The following PCNT variants were observed in gnomAD, a reference collection of about 807,000 sequenced individuals.
The protein encoded by PCNT is pericentrin.
PCNT carries 319 observed loss-of-function variants against 380.4 expected under a neutral mutation model. That is an observed-to-expected ratio of 0.84 (90% CI 0.77 to 0.92). PCNT has a LOEUF of 0.92. PCNT is among the 40% of genes least tolerant of loss of function. PCNT has a pLI of 0.00. For synonymous variants in PCNT, 1,845 were observed against 1,735.2 expected (o/e 1.06, Z -1.57); for missense variants, 4,400 against 4,255.3 (o/e 1.03, Z -0.95).
chr21:46,345,349 C>T (rs1377265287), intron 3 of PCNT, among the ~76,000 whole-genome samples: 1 of 152,140 alleles, frequency 6.6e-6, no homozygotes, highest in Non-Finnish European at 1.5e-5. Flanking sequence ...TCCCAAGTAG[C>T]TGGGACTACA....
At chr21:46,436,536 G>A (rs940308053) in intron 39 of PCNT, among the ~76,000 whole-genome samples, 10 of 138,602 alleles carry the variant, frequency 7.2e-5, no homozygotes, top group African/African-American at 2.6e-4. Flanking sequence ...CCAGGATGAC[G>A]ATCGTGATAT....
At chr21:46,424,522 A>G (rs2087405678) in intron 32 of PCNT, among the ~76,000 whole-genome samples, 1 of 152,228 alleles carries the variant, frequency 6.6e-6, no homozygotes, top group East Asian at 1.9e-4. Flanking sequence ...CCTGGCGGGA[A>G]GCTGTGGCCC....
At chr21:46,359,493 T>G (rs1251933249) in intron 13 of PCNT, among the ~76,000 whole-genome samples, 1 of 95,054 alleles carries the variant, frequency 1.1e-5, no homozygotes, top group Admixed American at 1.0e-4. Flanking sequence ...TTTTTTTTGT[T>G]TTTTTTTTTT....
chr21:46,444,611 A>G, intron 45 of PCNT, 83 bp from the exon 46 acceptor site: 1 of 1,507,666 alleles, frequency 6.6e-7, no homozygotes, highest in Non-Finnish European at 9.1e-7. Flanking sequence ...TTTCTTCTGC[A>G]CTCAGTCACC....
chr21:46,337,873 C>T (rs1328777622), intron 3 of PCNT, among the ~76,000 whole-genome samples: 5 of 151,862 alleles, frequency 3.3e-5, no homozygotes, highest in Admixed American at 6.6e-5. Flanking sequence ...CATGAGCCAC[C>T]GCGCAGACTG....
At chr21:46,430,478 T>G in intron 36 of PCNT, 29 bp from the exon 37 acceptor site, 1 of 1,549,270 alleles carries the variant, frequency 6.5e-7, no homozygotes, top group Non-Finnish European at 8.7e-7. Context: ...GCCCACGTGG[T>G]CAGATTGTTC....
intron 3 of PCNT, among the ~76,000 whole-genome samples, chr21:46,340,602 T>A (rs73373860): frequency 0.12 from 18,636 of 152,242 alleles, 3,130 homozygotes; most frequent in African/African-American, 0.38. Context: ...TTATTTTAAC[T>A]GTACATCTTT....
At chr21:46,347,997 G>A (rs896515112) in intron 6 of PCNT, among the ~76,000 whole-genome samples, 37 of 152,242 alleles carry the variant, frequency 2.4e-4, no homozygotes, top group African/African-American at 8.7e-4. Context: ...GGGCTGAGCT[G>A]TCAGCCATGC....
intron 15 of PCNT, among the ~76,000 whole-genome samples, chr21:46,367,528 G>A (rs1461428764): frequency 1.3e-5 from 2 of 152,046 alleles, no homozygotes; most frequent in Non-Finnish European, 2.9e-5. Flanking sequence ...GGCTGGTCTC[G>A]AACTCCTGAC....
At chr21:46,440,305 G>A (rs1452231489) in intron 42 of PCNT, 103 bp downstream of exon 42, 59 of 1,207,420 alleles carry the variant, frequency 4.9e-5, no homozygotes, top group South Asian at 9.7e-5. Context: ...CTCGTCTGCC[G>A]GGTGTAGCAG....
chr21:46,426,022 T>C lies in PCNT; in HGVS notation c.7320+51T>C, dbSNP rs2330435. ...TTTTCCAAAGGATTTAAGGAGCTTG[T>C]GGTAATGGCCGCGTCCTTAGGGCCA... is the stretch of plus-strand genomic sequence containing the variant. On this transcript the variant is annotated intron_variant, in intron 33 of 46. Coordinates refer to ENST00000359568, the MANE Select transcript of PCNT (RefSeq NM_006031.6). 144,395 of 1,598,866 alleles carry C rather than the reference T, an allele frequency of 0.09. 11,790 individuals carry two copies. The highest frequency in any genetic ancestry group is 0.44 in the African/African-American group (32,463 of 73,846).
chr21:46,415,409 G>A (rs2086986757), intron 29 of PCNT, among the ~76,000 whole-genome samples: 2 of 111,674 alleles, frequency 1.8e-5, no homozygotes, highest in East Asian at 3.0e-4. Flanking sequence ...ACAGAGTCTC[G>A]CTCTGTCGCC....
chr21:46,430,426 G>A, intron 36 of PCNT, 81 bp from the exon 37 acceptor site: 1 of 1,521,612 alleles, frequency 6.6e-7, no homozygotes, highest in South Asian at 1.2e-5. Context: ...GCAGGGCTCT[G>A]CCTCCCCTCC....
chr21:46,335,108 A>C (rs1296731422), intron 3 of PCNT, among the ~76,000 whole-genome samples: 4 of 152,082 alleles, frequency 2.6e-5, no homozygotes, highest in African/African-American at 9.7e-5. Context: ...AATTCCCTTT[A>C]TTCTAGTTGC....
At chr21:46,412,184 A>G in intron 28 of PCNT, 117 bp downstream of exon 28, 3 of 1,251,720 alleles carry the variant, frequency 2.4e-6, no homozygotes, top group Non-Finnish European at 3.3e-6. Flanking sequence ...ATGGTGGCTC[A>G]TGACACAGCG....
rs763255771 is a variant in PCNT, at chr21:46,418,192, ATC to A, written c.6922-8_6922-7del. The A allele has an allele frequency of 6.8e-6, 10 of 1,467,026 alleles. No individual in the cohort carries two copies. In the South Asian group the frequency reaches 1.1e-4, roughly 17 times the overall value. 90.9% of individuals were successfully genotyped at this position (1,467,026 alleles called of 1,614,324 possible). A position where few individuals can be genotyped will look rare whatever the true frequency, so the allele number is the denominator to read the frequency against. ...CTCATTATTTTATGACCATTTAAAA[ATC>A]TCTTAACAGGAGAAAGATGTCGAAG... On this transcript the variant is annotated splice_polypyrimidine_tract_variant and intron_variant, in intron 30 of 46. Coordinates refer to ENST00000359568, the MANE Select transcript of PCNT (RefSeq NM_006031.6).
At chr21:46,399,473 T>C (rs2147454542) in intron 24 of PCNT, 117 bp from the exon 25 acceptor site, 1 of 747,302 alleles carries the variant, frequency 1.3e-6, no homozygotes, top group Admixed American at 2.1e-5. Context: ...CCTTTGGGTC[T>C]AGGGGAGGGC....
intron 28 of PCNT, 36 bp downstream of exon 28, chr21:46,412,103 T>G: frequency 1.3e-6 from 2 of 1,596,588 alleles, no homozygotes; most frequent in South Asian, 1.1e-5. Context: ...AGGGTATTTT[T>G]TTTTACTCTC....
intron 29 of PCNT, among the ~76,000 whole-genome samples, chr21:46,414,708 C>T (rs1443204644): frequency 2.0e-5 from 1 of 51,138 alleles, no homozygotes; most frequent in African/African-American, 5.4e-5. Flanking sequence ...TGCCCACACT[C>T]CTCCTCCTGG....
Sources: allele counts gnomAD v4.1 joint callset (sites outside exome capture counted in the v4.1 genomes callset), GRCh38; gene constraint gnomAD v4.1.1; transcripts MANE v1.5; gene names NCBI Gene and HGNC (gene_info 2026-07-23, HGNC 2026-07-21).